Variants in CCDC180 observed in about 807,000 individuals in gnomAD.
The protein encoded by CCDC180 is coiled-coil domain containing 180, also known as coiled-coil domain-containing protein 180.
A neutral mutation model predicts 209.2 loss-of-function variants in CCDC180; 154 were observed. That is an observed-to-expected ratio of 0.74 (90% CI 0.65 to 0.84). The LOEUF (loss-of-function observed/expected upper bound fraction) is 0.84. Ranked by LOEUF, CCDC180 falls within the 40% of genes least tolerant of loss-of-function variation. CCDC180 has a pLI of 0.00. For missense variants in CCDC180, 1,874 were observed against 1,997.3 expected, an observed-to-expected ratio of 0.94 and a Z score of 1.18; for synonymous variants, 778 against 749.1, an observed-to-expected ratio of 1.04 and a Z score of -0.63.
chr9:97,336,752 G>A (rs888634243), intron 18 of CCDC180, among the ~76,000 whole-genome samples: 5 of 152,124 alleles, frequency 3.3e-5, no homozygotes, highest in African/African-American at 1.2e-4. Flanking sequence ...ATTAACTTGG[G>A]CAGTATGGCC....
intron 18 of CCDC180, among the ~76,000 whole-genome samples, chr9:97,338,564 G>A (rs1825980521): frequency 6.6e-6 from 1 of 152,200 alleles, no homozygotes; most frequent in African/African-American, 2.4e-5. Context: ...CATTTGCTGA[G>A]AAGTGCTTTA....
intron 18 of CCDC180, among the ~76,000 whole-genome samples, chr9:97,343,118 A>G (rs1163372644): frequency 6.6e-6 from 1 of 152,204 alleles, no homozygotes; most frequent in Non-Finnish European, 1.5e-5. Context: ...CAGAATTGAC[A>G]TATTTTCTGA....
At chr9:97,370,120 A>C (rs1827037916) in intron 32 of CCDC180, 38 bp downstream of exon 32, 3 of 1,596,042 alleles carry the variant, frequency 1.9e-6, no homozygotes, top group Non-Finnish European at 2.6e-6. Context: ...CTCTAGGACC[A>C]GGGGAACTGG....
chr9:97,335,307 TCCTAATGCTATC>T (rs1267460665), intron 18 of CCDC180, among the ~76,000 whole-genome samples: 1 of 152,188 alleles, frequency 6.6e-6, no homozygotes, highest in Admixed American at 6.6e-5. Flanking sequence ...CAGGTGTTTC[TCCTAATGCTATC>T]CCTCCCCCAT....
intron 18 of CCDC180, among the ~76,000 whole-genome samples, chr9:97,334,570 C>T (rs1339695887): frequency 6.6e-6 from 1 of 152,186 alleles, no homozygotes; most frequent in African/African-American, 2.4e-5. Flanking sequence ...GTACATACAC[C>T]TTTATGCTCT....
intron 29 of CCDC180, chr9:97,364,484 C>T (rs1027424374): frequency 1.3e-5 from 3 of 230,642 alleles, no homozygotes; most frequent in Non-Finnish European, 2.5e-5. Flanking sequence ...AGCTGTTCAA[C>T]TTAGTATAGC....
At chr9:97,341,896 C>T (rs908390762) in intron 18 of CCDC180, among the ~76,000 whole-genome samples, 1 of 152,180 alleles carries the variant, frequency 6.6e-6, no homozygotes, top group African/African-American at 2.4e-5. Context: ...TGGTGGATGC[C>T]CCTCCCCCAG....
chr9:97,313,646 C>T (rs1010486668), intron 5 of CCDC180, among the ~76,000 whole-genome samples: 4 of 152,244 alleles, frequency 2.6e-5, no homozygotes, highest in Non-Finnish European at 4.4e-5. Flanking sequence ...AACTTCCCTC[C>T]AGGTCTGACA....
In CCDC180 at chr9:97,309,434, G is replaced by A. The variant is rs748809506; in HGVS notation, c.90G>A (p.Leu30=). The A allele has an allele frequency of 6.2e-7, 1 of 1,600,910 alleles. No homozygotes were observed. Among genetic ancestry groups the A allele is most frequent in the South Asian group, 1.1e-5 (1 of 88,876 alleles). Residue 30 remains leucine, a synonymous_variant, in exon 3 of 37, where the codon CTG becomes CTA. Coordinates refer to ENST00000529487, the MANE Select transcript of CCDC180 (RefSeq NM_020893.6). ...TTCAGGTGCAGCTGGTCCACTCCCT[G>A]GCGGCCACCAGGAAGCGGGCTGCAG... ...FQAEVQLVHS[L]AATRKRAAER...
intron 25 of CCDC180, among the ~76,000 whole-genome samples, chr9:97,359,284 C>A (rs764938742): frequency 3.3e-5 from 5 of 152,214 alleles, no homozygotes; most frequent in East Asian, 3.9e-4. Flanking sequence ...CGCCTCCCAA[C>A]CCCTGCTCTG....
At chr9:97,311,600 T>C (rs1450794264) in intron 3 of CCDC180, among the ~76,000 whole-genome samples, 1 of 152,154 alleles carries the variant, frequency 6.6e-6, no homozygotes, top group Non-Finnish European at 1.5e-5. Flanking sequence ...CCAAATTCCA[T>C]GGGCCTTAGT....
chr9:97,335,886 G>A (rs1031675638), intron 18 of CCDC180, among the ~76,000 whole-genome samples: 1 of 152,192 alleles, frequency 6.6e-6, no homozygotes, highest in African/African-American at 2.4e-5. Context: ...GGTGTGAGAT[G>A]GTATCTCTTT....
intron 18 of CCDC180, among the ~76,000 whole-genome samples, chr9:97,336,975 G>C (rs1279757249): frequency 6.6e-6 from 1 of 152,070 alleles, no homozygotes; most frequent in African/African-American, 2.4e-5. Flanking sequence ...GTCTGTTATT[G>C]GTGTGTAAGA....
At chr9:97,344,695 G>C (rs1826196677) in intron 19 of CCDC180, among the ~76,000 whole-genome samples, 1 of 152,092 alleles carries the variant, frequency 6.6e-6, no homozygotes, top group Admixed American at 6.5e-5. Flanking sequence ...TATGCTATCT[G>C]CCTTATGACT....
intron 14 of CCDC180, among the ~76,000 whole-genome samples, chr9:97,325,990 G>T (rs1587794818): frequency 6.6e-6 from 1 of 152,304 alleles, no homozygotes; most frequent in South Asian, 2.1e-4. Flanking sequence ...CCTATATGGG[G>T]TCTGATAAGA....
Position 97,364,087 on chromosome 9 carries a change from A to G in CCDC180, c.3939A>G (p.Arg1313=), listed in dbSNP as rs547452410. ...ACCCCAAGCCCAACAAAATGGAGAG[A>G]AAGTACCGGGTGCTTGGGGACAAGC... ...TPHPKPNKME[R]KYRVLGDKPP... Residue 1313 remains arginine (R), a synonymous_variant, in exon 29 of 37, where the codon AGA becomes AGG. Transcript: ENST00000529487. 6.2e-7 allele frequency: 1 copy of G among 1,614,080 alleles called. No homozygotes were observed. The highest frequency in any genetic ancestry group is 1.3e-5 in the African/African-American group (1 of 75,016).
chr9:97,362,582 A>G (rs986698960), intron 28 of CCDC180, 141 bp downstream of exon 28: 3 of 1,259,664 alleles, frequency 2.4e-6, no homozygotes, highest in Non-Finnish European at 3.2e-6. Context: ...GGGCGCAGTG[A>G]GGGGTGAGCG....
chr9:97,326,478 G>C (rs1250838796), intron 14 of CCDC180, 76 bp from the exon 15 acceptor site: 4 of 845,534 alleles, frequency 4.7e-6, no homozygotes, highest in African/African-American at 1.7e-5. Flanking sequence ...CAGCAGCAGG[G>C]TCCCTGCAGG....
In CCDC180 at chr9:97,374,657, C is replaced by G; in HGVS notation, c.4706+9C>G. On this transcript the variant is annotated intron_variant, in intron 35 of 36. Coordinates refer to ENST00000529487, the MANE Select transcript of CCDC180 (RefSeq NM_020893.6). ...ATTGAACGTGGAAGCAGGTGAGAAC[C>G]AAGAGCAGCAAGGACTACTGTAAAT... The G allele has an allele frequency of 6.2e-7, 1 of 1,604,180 alleles. No homozygotes were observed. The highest frequency in any genetic ancestry group is 8.5e-7 in the Non-Finnish European group (1 of 1,171,288).
Sources: allele counts gnomAD v4.1 joint callset (sites outside exome capture counted in the v4.1 genomes callset), GRCh38; gene constraint gnomAD v4.1.1; transcripts MANE v1.5; gene names NCBI Gene and HGNC (gene_info 2026-07-23, HGNC 2026-07-21).